Variants in ERBIN observed in about 807,000 individuals in gnomAD.
The protein encoded by ERBIN is densin-180-like protein.
Under a neutral mutation model 158.4 loss-of-function variants are expected in ERBIN, and 60 were observed. The observed-to-expected ratio is 0.38, with a 90% CI of 0.31 to 0.47. ERBIN has a LOEUF of 0.47. ERBIN is among the 20% of genes least tolerant of loss of function. ERBIN has a pLI of 0.99. For synonymous variants in ERBIN, 594 were observed against 557.2 expected, an observed-to-expected ratio of 1.07 and a Z score of -0.93; for missense variants, 1,610 against 1,648.0, an observed-to-expected ratio of 0.98 and a Z score of 0.40.
intron 14 of ERBIN, among the ~76,000 whole-genome samples, chr5:66,034,891 A>T (rs1347096310): frequency 2.6e-5 from 4 of 152,172 alleles, no homozygotes; most frequent in Non-Finnish European, 5.9e-5. Flanking sequence ...AAGTGGTTTA[A>T]ATAAGATACA....
intron 3 of ERBIN, among the ~76,000 whole-genome samples, chr5:65,994,451 G>T (rs1019038238): frequency 3.3e-5 from 5 of 152,108 alleles, no homozygotes; most frequent in Admixed American, 2.0e-4. Flanking sequence ...AAGCTCCAGA[G>T]TTTATCACAT....
chr5:66,025,709 T>C, intron 11 of ERBIN, 139 bp from the exon 12 acceptor site: 1 of 846,308 alleles, frequency 1.2e-6, no homozygotes. Context: ...ACAAACCTAC[T>C]TATTGGTGAA....
intron 1 of ERBIN, 96 bp downstream of exon 1, chr5:65,926,902 A>G (rs182047056): frequency 6.6e-6 from 1 of 152,112 alleles, no homozygotes; most frequent in South Asian, 2.1e-4. Flanking sequence ...CTCTTCTCCA[A>G]GTTGCCCTAA....
intron 4 of ERBIN, among the ~76,000 whole-genome samples, chr5:66,009,802 A>G (rs796486124): frequency 1.3e-5 from 2 of 152,336 alleles, no homozygotes; most frequent in African/African-American, 4.8e-5. Flanking sequence ...TTTATTAAAA[A>G]TGACTTTTTT....
At chr5:65,988,211 A>T (rs1363715172) in intron 1 of ERBIN, among the ~76,000 whole-genome samples, 1 of 152,102 alleles carries the variant, frequency 6.6e-6, no homozygotes, top group Non-Finnish European at 1.5e-5. Flanking sequence ...TCTCTAAAAA[A>T]GTTTTTTTAA....
At position 66,074,940 on chromosome 5, in the gene ERBIN, T is replaced by C. The variant is rs1028225664; in HGVS notation, c.3757-84T>C. The C allele has an allele frequency of 1.6e-5, 20 of 1,254,052 alleles. No individual in the cohort carries two copies. The African/African-American group carries it at 2.7e-4, about 17-fold the overall frequency. The allele number at this position is 1,254,052 out of a possible 1,614,324, so 77.7% of individuals were successfully genotyped here. On this transcript the variant is annotated intron_variant, in intron 22 of 25. Transcript: ENST00000284037. ...ATTAGAATGTGAAAACTCTAGTGCTTTTGTAATGCTCCAAGAAGAAATCCA... is the reference window on the plus strand; with the variant it reads ...ATTAGAATGTGAAAACTCTAGTGCTCTTGTAATGCTCCAAGAAGAAATCCA...
chr5:65,982,145 T>G (rs1196697447), intron 1 of ERBIN, among the ~76,000 whole-genome samples: 2 of 152,232 alleles, frequency 1.3e-5, no homozygotes, highest in Non-Finnish European at 2.9e-5. Flanking sequence ...CAATGTCTTG[T>G]GTCAGTTCTT....
At chr5:66,017,013 C>T (rs1754817582) in intron 7 of ERBIN, among the ~76,000 whole-genome samples, 1 of 151,990 alleles carries the variant, frequency 6.6e-6, no homozygotes, top group Non-Finnish European at 1.5e-5. Flanking sequence ...TCCTGATCAA[C>T]CCATGTTACT....
At chr5:66,009,550 A>G (rs1290669321) in intron 4 of ERBIN, among the ~76,000 whole-genome samples, 2 of 152,248 alleles carry the variant, frequency 1.3e-5, no homozygotes, top group African/African-American at 4.8e-5. Context: ...CATAAAATGC[A>G]TAATTGAACT....
chr5:66,060,614 G>T (rs13436760), intron 21 of ERBIN, among the ~76,000 whole-genome samples: 8,776 of 151,860 alleles, frequency 0.058, 882 homozygotes, highest in African/African-American at 0.2. Flanking sequence ...CTTCTCTAGT[G>T]CTTTTAATTG....
intron 1 of ERBIN, among the ~76,000 whole-genome samples, chr5:65,973,367 C>T (rs1191491818): frequency 6.7e-6 from 1 of 150,270 alleles, no homozygotes; most frequent in Non-Finnish European, 1.5e-5. Flanking sequence ...CAAACTTGCA[C>T]GTTGGGCACA....
Position 65,973,485 on chromosome 5 carries a change from G to A in ERBIN, c.-57-15150G>A, listed in dbSNP as rs529793598. 3.6e-4 allele frequency among the ~76,000 whole-genome samples: 55 copies of A among 151,396 alleles called. 2 individuals are homozygous for A. The highest frequency in any genetic ancestry group is 1.3e-3 in the African/African-American group (54 of 40,728). On this transcript the variant is annotated intron_variant, in intron 1 of 25. Transcript: ENST00000284037. ...ATTAATTTGCATTTTAATAGAGGAT[G>A]TATGAAGAGGGACCGGAAGAAATAA...
intron 4 of ERBIN, among the ~76,000 whole-genome samples, chr5:66,008,248 A>G (rs1753828255): frequency 6.6e-6 from 1 of 152,036 alleles, no homozygotes; most frequent in Admixed American, 6.6e-5. Flanking sequence ...AACCCCATAT[A>G]TAAAACCCCT....
intron 22 of ERBIN, 134 bp from the exon 23 acceptor site, chr5:66,074,886 TAGTA>T: frequency 1.5e-6 from 1 of 687,004 alleles, no homozygotes; most frequent in Non-Finnish European, 2.4e-6. Flanking sequence ...TATAGAAAAA[TAGTA>T]AGTGGCATGG....
At chr5:65,942,348 T>C (rs1450353579) in intron 1 of ERBIN, among the ~76,000 whole-genome samples, 1 of 152,228 alleles carries the variant, frequency 6.6e-6, no homozygotes, top group African/African-American at 2.4e-5. Flanking sequence ...AGAATACAGT[T>C]TCTTTAGAAT....
Position 65,983,828 on chromosome 5 carries a change from A to G in ERBIN, c.-57-4807A>G, listed in dbSNP as rs1400762686. Reference sequence around the variant, plus strand: ...CTGTGGATCTGGAGACCTGGCATCTATGAGGATGACAAGGGGAGGACCTGG... The same window carrying G: ...CTGTGGATCTGGAGACCTGGCATCTGTGAGGATGACAAGGGGAGGACCTGG... On this transcript the variant is annotated intron_variant, in intron 1 of 25. Coordinates refer to ENST00000284037, the MANE Select transcript of ERBIN (RefSeq NM_001253697.2). 8.5e-5 allele frequency among the ~76,000 whole-genome samples: 13 copies of G among 152,102 alleles called. No homozygotes were observed. In the South Asian group the frequency reaches 1.2e-3, roughly 15 times the overall value.
At chr5:65,974,694 CAT>C (rs1170154892) in intron 1 of ERBIN, among the ~76,000 whole-genome samples, 5 of 152,190 alleles carry the variant, frequency 3.3e-5, no homozygotes. Context: ...AGACAGCAGT[CAT>C]TAGAGTACTT....
rs1157241399 is a variant in ERBIN at position 66,077,067 on chromosome 5, C to T, written c.4131+118C>T. On this transcript the variant is annotated intron_variant, in intron 25 of 25. Coordinates refer to ENST00000284037, the MANE Select transcript of ERBIN (RefSeq NM_001253697.2). ...GTGGGAGGCTGAGGCAGGAGAATGG[C>T]GTGAACCCGGGAGGCGGCACTTGCA... is the stretch of plus-strand genomic sequence containing the variant. 7.9e-5 allele frequency: 55 copies of T among 692,428 alleles called. No individual in the cohort carries two copies. The highest frequency in any genetic ancestry group is 1.1e-4 in the Non-Finnish European group (47 of 428,300). 42.9% of individuals were successfully genotyped at this position (692,428 alleles called of 1,614,324 possible). A position where few individuals can be genotyped will look rare whatever the true frequency, so the allele number is the denominator to read the frequency against.
intron 1 of ERBIN, among the ~76,000 whole-genome samples, chr5:65,946,257 AGGAG>A (rs1225944296): frequency 6.6e-6 from 1 of 152,030 alleles, no homozygotes; most frequent in East Asian, 1.9e-4. Flanking sequence ...TCAGCTACTC[AGGAG>A]GCTAAGATGG....
Sources: allele counts gnomAD v4.1 joint callset (sites outside exome capture counted in the v4.1 genomes callset), GRCh38; gene constraint gnomAD v4.1.1; transcripts MANE v1.5; gene names NCBI Gene and HGNC (gene_info 2026-07-23, HGNC 2026-07-21).